The following USP31 variants were observed in gnomAD, a reference collection of about 807,000 sequenced individuals.
The protein encoded by USP31 is ubiquitin specific peptidase 31.
USP31 carries 44 observed loss-of-function variants against 119.4 expected under a neutral mutation model. The observed-to-expected ratio is 0.37, with a 90% CI of 0.29 to 0.47. The LOEUF (loss-of-function observed/expected upper bound fraction) is 0.47. Ranked by LOEUF, USP31 falls within the 20% of genes least tolerant of loss-of-function variation. The pLI is 0.99. For missense variants in USP31, 1,643 were observed against 1,730.2 expected (o/e 0.95, Z 0.89); for synonymous variants, 749 against 705.6 (o/e 1.06, Z -0.97).
intron 13 of USP31, among the ~76,000 whole-genome samples, chr16:23,078,204 C>T (rs540613010): frequency 6.7e-5 from 10 of 148,832 alleles, no homozygotes; most frequent in African/African-American, 2.2e-4. Context: ...CCCAGCTACT[C>T]GGGAGGCTGA....
At chr16:23,100,736 G>C (rs374895783) in intron 6 of USP31, among the ~76,000 whole-genome samples, 2 of 152,246 alleles carry the variant, frequency 1.3e-5, no homozygotes, top group East Asian at 3.9e-4. Flanking sequence ...GCAAGACTCT[G>C]TCTCAAAAAG....
chr16:23,128,723 C>T (rs1902940908), intron 1 of USP31, among the ~76,000 whole-genome samples: 1 of 152,126 alleles, frequency 6.6e-6, no homozygotes, highest in African/African-American at 2.4e-5. Context: ...ATTCTTGGCA[C>T]CACAAGAGAT....
chr16:23,145,791 T>C (rs902596252), intron 1 of USP31, among the ~76,000 whole-genome samples: 3 of 152,222 alleles, frequency 2.0e-5, no homozygotes, highest in Admixed American at 6.5e-5. Context: ...CAATTGCCAA[T>C]TGCAACGTTT....
Position 23,068,932 on chromosome 16 carries a change from G to C in USP31, c.3173C>G (p.Pro1058Arg). ...SQESSLSSTS[P>R]SSPLPVKVSL... ...GACTTTTACAGGAAGAGGAGAAGAA[G>C]GGGATGTACTTGAAAGGGATGACTC... is the stretch of plus-strand genomic sequence containing the variant. The change falls in exon 16 of 16, where the codon CCT becomes CGT. Residue 1058 changes from proline to arginine, a missense_variant. By Grantham distance (103) the Pro-to-Arg change is moderately radical (BLOSUM62 -2). Coordinates refer to ENST00000219689, the MANE Select transcript of USP31 (RefSeq NM_020718.4). The C allele has an allele frequency of 6.2e-7, 1 of 1,613,972 alleles. No individual in the cohort carries two copies. The highest frequency in any genetic ancestry group is 8.5e-7 in the Non-Finnish European group (1 of 1,179,976).
Position 23,067,856 on chromosome 16 carries a change from G to C in USP31, c.*190C>G. On this transcript the variant is annotated 3_prime_UTR_variant, in exon 16 of 16. Transcript: ENST00000219689. ...ATGGCTGTTATTTGGTTCAATGGCA[G>C]AATAAGGCGACGCTTTGAACAATTT... The C allele has an allele frequency of 4.3e-6, 3 of 693,054 alleles. No homozygotes were observed. In the South Asian group the frequency reaches 7.8e-5, roughly 18 times the overall value. The allele number at this position is 693,054 out of a possible 1,614,324, so 42.9% of individuals were successfully genotyped here. A position where few individuals can be genotyped will look rare whatever the true frequency, so the allele number is the denominator to read the frequency against.
In USP31 at chr16:23,073,805, T is replaced by C. The variant is rs1195014462; in HGVS notation, c.2252A>G (p.Glu751Gly). The stretch of plus-strand genomic sequence containing the variant: ...GATGTATGCTGTCTGCGTGCAGACC[T>C]CATCTTCTGACAGCTGCTGCACATC... The part of the protein sequence containing the change: ...DSDVQQLSED[E>G]VCTQTAYILF... The change falls in exon 14 of 16, where the codon GAG (glutamate) becomes GGG (glycine). Residue 751 changes from glutamate (E) to glycine (G), a missense_variant. Around this residue, in one of 5 missense-constraint regions of USP31, gnomAD observed 279 missense variants for 372.2 expected, o/e 0.75. Coordinates refer to ENST00000219689, the MANE Select transcript of USP31 (RefSeq NM_020718.4). The C allele has an allele frequency of 2.5e-5, 41 of 1,613,984 alleles. No homozygotes were observed. In the East Asian group the frequency reaches 9.1e-4, roughly 36 times the overall value.
intron 1 of USP31, among the ~76,000 whole-genome samples, chr16:23,123,233 C>G (rs1243613365): frequency 6.6e-6 from 1 of 152,064 alleles, no homozygotes; most frequent in Non-Finnish European, 1.5e-5. Context: ...GTATGGCATA[C>G]TTCGTTCAAA....
At chr16:23,121,974 T>C (rs1185818551) in intron 1 of USP31, among the ~76,000 whole-genome samples, 1 of 152,204 alleles carries the variant, frequency 6.6e-6, no homozygotes, top group Non-Finnish European at 1.5e-5. Flanking sequence ...CTTCATATAA[T>C]GATCTGAGAA....
intron 1 of USP31, among the ~76,000 whole-genome samples, chr16:23,112,204 T>C (rs961831778): frequency 1.3e-5 from 2 of 152,194 alleles, no homozygotes; most frequent in Non-Finnish European, 1.5e-5. Context: ...GTCTTCATCA[T>C]GGTACAAAAC....
chr16:23,088,496 A>G (rs1348313623), intron 7 of USP31, among the ~76,000 whole-genome samples: 2 of 152,214 alleles, frequency 1.3e-5, no homozygotes, highest in African/African-American at 4.8e-5. Context: ...TATGCAGCCA[A>G]TGTTGAGGAC....
chr16:23,102,161 T>C (rs1474868185), intron 6 of USP31, among the ~76,000 whole-genome samples, 158 bp downstream of exon 6: 1 of 152,048 alleles, frequency 6.6e-6, no homozygotes, highest in Non-Finnish European at 1.5e-5. Flanking sequence ...AAAATATTAC[T>C]ATAAGATTTT....
intron 7 of USP31, 62 bp downstream of exon 7, chr16:23,090,562 A>G (rs1901311595): frequency 8.4e-6 from 12 of 1,429,862 alleles, no homozygotes; most frequent in Non-Finnish European, 1.1e-5. Flanking sequence ...GCTTTTTAAC[A>G]TGTTTGAAAA....
At chr16:23,115,850 G>A in intron 1 of USP31, 1 of 878,234 alleles carries the variant, frequency 1.1e-6, no homozygotes, top group African/African-American at 1.8e-5. Context: ...AAAAAAAAGA[G>A]TTGGAAACAT....
intron 6 of USP31, among the ~76,000 whole-genome samples, chr16:23,093,017 C>T (rs1014783659): frequency 1.3e-5 from 2 of 152,094 alleles, no homozygotes; most frequent in Non-Finnish European, 2.9e-5. Context: ...CTACCTCATA[C>T]AATTTATAAA....
chr16:23,125,940 A>G (rs181744042), intron 1 of USP31, among the ~76,000 whole-genome samples: 1 of 152,266 alleles, frequency 6.6e-6, no homozygotes, highest in Admixed American at 6.5e-5. Flanking sequence ...AAGTAAAGTA[A>G]ATAGAGAAGT....
At chr16:23,106,875 G>A (rs985947248) in intron 2 of USP31, among the ~76,000 whole-genome samples, 5 of 152,316 alleles carry the variant, frequency 3.3e-5, no homozygotes, top group Non-Finnish European at 7.3e-5. Context: ...CACTTTGAGA[G>A]GCAGGGGTGG....
At chr16:23,089,757 C>G (rs1475519968) in intron 7 of USP31, among the ~76,000 whole-genome samples, 1 of 152,170 alleles carries the variant, frequency 6.6e-6, no homozygotes, top group African/African-American at 2.4e-5. Context: ...TACACTCTTA[C>G]AGAGGGCATT....
intron 13 of USP31, among the ~76,000 whole-genome samples, chr16:23,078,310 CAAA>C (rs34288248): frequency 0.045 from 3,233 of 71,064 alleles, 41 homozygotes; most frequent in African/African-American, 0.091. Flanking sequence ...GACTCCGTCG[CAAA>C]AAAAAAAAAA....
In USP31 at chr16:23,068,991, G is replaced by C; in HGVS notation, c.3114C>G (p.Ser1038Arg). The C allele has an allele frequency of 6.2e-7, 1 of 1,614,118 alleles. No homozygotes were observed. The highest frequency in any genetic ancestry group is 2.2e-5 in the East Asian group (1 of 44,882). The part of the protein sequence containing the change: ...SSKGTSEPEK[S>R]LRKGRPALAS... Reference sequence around the variant, plus strand: ...CCAAGGCTGGTCTCCCCTTCCGCAAGCTTTTCTCTGGCTCAGAAGTGCCTT... The same window carrying C: ...CCAAGGCTGGTCTCCCCTTCCGCAACCTTTTCTCTGGCTCAGAAGTGCCTT... The change falls in exon 16 of 16, where the codon AGC (serine) becomes AGG (arginine). Residue 1038 changes from serine to arginine, a missense_variant. Physicochemically the swap from Ser to Arg is moderately radical, Grantham distance 110. This residue lies in a region of USP31 where 699 missense variants were observed against 650.9 expected (regional missense o/e 1.07). Transcript: ENST00000219689.
Sources: allele counts gnomAD v4.1 joint callset (sites outside exome capture counted in the v4.1 genomes callset), GRCh38; gene constraint gnomAD v4.1.1; regional missense constraint gnomAD v4.1.1; transcripts MANE v1.5; gene names NCBI Gene and HGNC (gene_info 2026-07-23, HGNC 2026-07-21).